CACNA2D3: variants seen among roughly 807,000 people sequenced by gnomAD.
CACNA2D3 encodes voltage-dependent calcium channel subunit alpha-2/delta-3.
Under a neutral mutation model 160.6 loss-of-function variants are expected in CACNA2D3, and 60 were observed. That is an observed-to-expected ratio of 0.37 (90% CI 0.30 to 0.46). CACNA2D3 has a LOEUF of 0.46. CACNA2D3 is among the 20% of genes least tolerant of loss of function. The probability of loss-of-function intolerance (pLI) is 1.00; values close to 1 mark genes in which losing one functional copy is unlikely to be tolerated. For missense variants in CACNA2D3, 1,205 were observed against 1,365.0 expected, an observed-to-expected ratio of 0.88 and a Z score of 1.85; for synonymous variants, 558 against 492.9, an observed-to-expected ratio of 1.13 and a Z score of -1.75.
chr3:54,355,013 T>C (rs1027373589), intron 3 of CACNA2D3, among the ~76,000 whole-genome samples: 5 of 152,240 alleles, frequency 3.3e-5, no homozygotes. Flanking sequence ...ATCTGGGCAC[T>C]TGAGATACCA....
rs116170133 is a variant in CACNA2D3 at position 54,222,040 on chromosome 3, T to C, written c.205-98402T>C. 4.5e-3 allele frequency among the ~76,000 whole-genome samples: 683 copies of C among 152,254 alleles called. 6 individuals carry two copies. The highest frequency in any genetic ancestry group is 0.016 in the African/African-American group (658 of 41,530). ...TCAATATTTTTGATCAGTAGTTGGT[T>C]GAACCCACGGATGCAGAACTTGCAG... On this transcript the variant is annotated intron_variant, in intron 2 of 37. Coordinates refer to ENST00000474759, the MANE Select transcript of CACNA2D3 (RefSeq NM_018398.3).
At position 55,008,888 on chromosome 3, in the gene CACNA2D3, TACACACACACAC is replaced by T. The variant is rs4024588; in HGVS notation, c.2820-474_2820-463del. On this transcript the variant is annotated intron_variant, in intron 33 of 37. Coordinates refer to ENST00000474759, the MANE Select transcript of CACNA2D3 (RefSeq NM_018398.3). Reference sequence around the variant, plus strand: ...GAGAAGTCTGTTCCACCTCCCTCTATACACACACACACACACACACACACACACACACACACA... The same window carrying T: ...GAGAAGTCTGTTCCACCTCCCTCTATACACACACACACACACACACACACA... Among the ~76,000 whole-genome samples the T allele has an allele frequency of 7.0e-4, 100 of 142,990 alleles. No homozygotes were observed. In the South Asian group the frequency reaches 9.6e-3, roughly 14 times the overall value. 93.8% of individuals were successfully genotyped at this position (142,990 alleles called of 152,430 possible). A position where few individuals can be genotyped will look rare whatever the true frequency, so the allele number is the denominator to read the frequency against.
chr3:54,599,835 G>A (rs1703030465), intron 9 of CACNA2D3, among the ~76,000 whole-genome samples: 1 of 152,132 alleles, frequency 6.6e-6, no homozygotes, highest in Admixed American at 6.5e-5. Context: ...CTTAGGTCTG[G>A]GTCTCAGTGC....
chr3:54,193,016 C>T (rs1463974264), intron 2 of CACNA2D3, among the ~76,000 whole-genome samples: 1 of 152,210 alleles, frequency 6.6e-6, no homozygotes, highest in Admixed American at 6.5e-5. Flanking sequence ...GGAGGCTATT[C>T]ATGATTATAG....
intron 17 of CACNA2D3, among the ~76,000 whole-genome samples, chr3:54,851,093 A>G (rs573196498): frequency 6.6e-6 from 1 of 152,190 alleles, no homozygotes; most frequent in Non-Finnish European, 1.5e-5. Context: ...TGCGCTTTTT[A>G]TTTGTTTGTT....
chr3:54,325,250 T>C (rs1048772069), intron 3 of CACNA2D3, among the ~76,000 whole-genome samples: 1 of 152,164 alleles, frequency 6.6e-6, no homozygotes, highest in Non-Finnish European at 1.5e-5. Context: ...GGATATACTT[T>C]GAGGACCAAT....
chr3:54,199,468 A>G (rs1361814431), intron 2 of CACNA2D3, among the ~76,000 whole-genome samples: 1 of 151,956 alleles, frequency 6.6e-6, no homozygotes, highest in Non-Finnish European at 1.5e-5. Context: ...GGCTCAAGCG[A>G]TCCCCAGCCT....
intron 25 of CACNA2D3, among the ~76,000 whole-genome samples, chr3:54,892,435 C>T (rs1489330510): frequency 1.3e-5 from 2 of 152,108 alleles, no homozygotes; most frequent in African/African-American, 2.4e-5. Context: ...CCCTGACACC[C>T]ACCATATAAC....
chr3:55,034,586 T>G (rs1385273581), intron 35 of CACNA2D3, among the ~76,000 whole-genome samples: 2 of 152,098 alleles, frequency 1.3e-5, no homozygotes, highest in Admixed American at 1.3e-4. Context: ...CATTCAGCAG[T>G]ATAACTACTG....
intron 14 of CACNA2D3, among the ~76,000 whole-genome samples, chr3:54,824,231 A>G (rs114508675): frequency 0.015 from 2,280 of 152,334 alleles, 28 homozygotes; most frequent in Middle Eastern, 0.027. Context: ...CCAATCTTTA[A>G]TCAAAGACTC....
intron 29 of CACNA2D3, among the ~76,000 whole-genome samples, chr3:54,977,496 A>C (rs943348423): frequency 9.2e-5 from 14 of 152,206 alleles, no homozygotes; most frequent in African/African-American, 3.4e-4. Flanking sequence ...AAAGATATTG[A>C]CCAAAGATGT....
intron 2 of CACNA2D3, among the ~76,000 whole-genome samples, chr3:54,206,855 A>C (rs1012029980): frequency 6.6e-6 from 1 of 152,214 alleles, no homozygotes; most frequent in Non-Finnish European, 1.5e-5. Flanking sequence ...AATTTCAGGA[A>C]CTTAACATAA....
intron 13 of CACNA2D3, among the ~76,000 whole-genome samples, chr3:54,799,866 A>T (rs1224083859): frequency 6.6e-6 from 1 of 152,172 alleles, no homozygotes; most frequent in Non-Finnish European, 1.5e-5. Flanking sequence ...AGGAAGTATC[A>T]GTACCTTCCT....
chr3:54,964,933 T>C (rs1339208818), intron 27 of CACNA2D3, among the ~76,000 whole-genome samples: 1 of 152,100 alleles, frequency 6.6e-6, no homozygotes, highest in Non-Finnish European at 1.5e-5. Flanking sequence ...TTTCCCATTT[T>C]ATAGGCCCTT....
chr3:54,668,713 A>G (rs1341534562), intron 11 of CACNA2D3, among the ~76,000 whole-genome samples: 3 of 152,236 alleles, frequency 2.0e-5, no homozygotes, highest in Non-Finnish European at 1.5e-5. Context: ...CACTTCACAC[A>G]GGAGACAGGG....
intron 5 of CACNA2D3, among the ~76,000 whole-genome samples, chr3:54,554,868 C>CTTTTTTT (rs1248489904): frequency 1.1e-5 from 1 of 88,166 alleles, no homozygotes; most frequent in Non-Finnish European, 2.1e-5. Flanking sequence ...CTCTCTCACT[C>CTTTTTTT]TCTTTTTTTT....
intron 2 of CACNA2D3, among the ~76,000 whole-genome samples, chr3:54,222,922 A>C (rs1701602509): frequency 6.6e-6 from 1 of 152,154 alleles, no homozygotes; most frequent in Non-Finnish European, 1.5e-5. Context: ...GGAATTACTG[A>C]TATGTTTGAG....
At chr3:54,222,621 A>T (rs6805548) in intron 2 of CACNA2D3, among the ~76,000 whole-genome samples, 2 of 152,050 alleles carry the variant, frequency 1.3e-5, no homozygotes, top group Admixed American at 1.3e-4. Context: ...TTCTAATCCC[A>T]CTACAATGTC....
At chr3:54,595,524 C>CT (rs1702938946) in intron 9 of CACNA2D3, among the ~76,000 whole-genome samples, 1 of 152,142 alleles carries the variant, frequency 6.6e-6, no homozygotes, top group African/African-American at 2.4e-5. Flanking sequence ...ACTGAGACTG[C>CT]TGCTTGTAAA....
Sources: gnomAD v4.1 joint callset for allele counts (sites outside exome capture counted in the v4.1 genomes callset) on GRCh38, gnomAD v4.1.1 for gene constraint, MANE v1.5 for transcripts, NCBI Gene and HGNC (gene_info 2026-07-23, HGNC 2026-07-21) for gene names.